ZNF407: variants seen among roughly 807,000 people sequenced by gnomAD.
The protein encoded by ZNF407 is zinc finger protein 407.
A neutral mutation model predicts 131.2 loss-of-function variants in ZNF407; 17 were observed. The ratio of observed to expected loss-of-function variants is 0.13; its 90% CI spans 0.09 to 0.19. The LOEUF is 0.19. Among genes scored for constraint, ZNF407 ranks in the 10% least tolerant of loss-of-function variants. The pLI, the probability that ZNF407 is intolerant of heterozygous loss-of-function variation, is 1.00. For missense variants in ZNF407, 2,681 were observed against 2,830.6 expected (o/e 0.95, Z 1.20); for synonymous variants, 1,156 against 1,062.0 (o/e 1.09, Z -1.72).
chr18:74,871,007 C>CT (rs1220717541), intron 4 of ZNF407, among the ~76,000 whole-genome samples: 1 of 152,174 alleles, frequency 6.6e-6, no homozygotes, highest in Non-Finnish European at 1.5e-5. Flanking sequence ...ACCCAAAATA[C>CT]TTTAAGTATC....
At chr18:74,770,669 A>T (rs1426542224) in intron 3 of ZNF407, among the ~76,000 whole-genome samples, 2 of 152,140 alleles carry the variant, frequency 1.3e-5, no homozygotes, top group Non-Finnish European at 2.9e-5. Context: ...CTTGAAATAA[A>T]GCAGTACAAC....
chr18:75,060,417 G>T (rs182905889), intron 8 of ZNF407: 1 of 152,198 alleles, frequency 6.6e-6, no homozygotes, highest in Non-Finnish European at 1.5e-5. Flanking sequence ...CGAGGTTTCC[G>T]TGGACGCAGA....
At chr18:74,975,611 G>T (rs1972519469) in intron 8 of ZNF407, among the ~76,000 whole-genome samples, 2 of 151,946 alleles carry the variant, frequency 1.3e-5, no homozygotes, top group African/African-American at 2.4e-5. Context: ...TCCATACTAG[G>T]TCTAGGGAAA....
chr18:75,059,944 C>A (rs1047029941), intron 8 of ZNF407, among the ~76,000 whole-genome samples: 1 of 152,170 alleles, frequency 6.6e-6, no homozygotes, highest in Non-Finnish European at 1.5e-5. Context: ...GTTTCTTCTG[C>A]AAATTGGGAG....
intron 1 of ZNF407, among the ~76,000 whole-genome samples, chr18:74,605,248 A>G (rs1010070724): frequency 6.6e-6 from 1 of 152,142 alleles, no homozygotes; most frequent in Non-Finnish European, 1.5e-5. Context: ...TCTCCAGTCC[A>G]TTTCCTAATC....
chr18:74,956,394 A>T (rs1183290180), intron 8 of ZNF407, among the ~76,000 whole-genome samples: 1 of 151,998 alleles, frequency 6.6e-6, no homozygotes, highest in African/African-American at 2.4e-5. Context: ...ATTCTGTTTT[A>T]TTGGTTTATA....
rs118074995 is a variant in ZNF407, at chr18:74,976,844, C to G, written c.5428+56152C>G. On this transcript the variant is annotated intron_variant, in intron 8 of 8. Coordinates refer to ENST00000299687, the MANE Select transcript of ZNF407 (RefSeq NM_017757.3). ...CATGTGGGTTTCCGATATGGAACAT[C>G]AGATTATTTAAAATTGGTGGATTAA... is the stretch of plus-strand genomic sequence containing the variant. 1.2e-4 allele frequency among the ~76,000 whole-genome samples: 18 copies of G among 152,308 alleles called. 1 individual carries two copies. In the East Asian group the frequency reaches 3.5e-3, roughly 29 times the overall value.
chr18:74,979,656 A>G (rs570862032), intron 8 of ZNF407, among the ~76,000 whole-genome samples: 1 of 152,340 alleles, frequency 6.6e-6, no homozygotes, highest in South Asian at 2.1e-4. Context: ...ACTCTAAGAT[A>G]GCAGTGGAAA....
intron 8 of ZNF407, among the ~76,000 whole-genome samples, chr18:74,955,259 C>T (rs1250896493): frequency 6.6e-6 from 1 of 152,024 alleles, no homozygotes; most frequent in Non-Finnish European, 1.5e-5. Flanking sequence ...CTCGGGGAGC[C>T]ACTGGGTCAG....
rs375822044 is a variant in ZNF407, at chr18:75,063,836, G to A, written c.6115G>A (p.Glu2039Lys). The part of the protein sequence containing the change: ...SHVAADPEAP[E>K]IQMFPQAQES... ...TGTGGCTGCCGACCCCGAGGCCCCC[G>A]AGATCCAGATGTTCCCACAGGCCCA... is the stretch of plus-strand genomic sequence containing the variant. The change falls in exon 9 of 9, where the codon GAG (glutamate) becomes AAG (lysine). Residue 2039 changes from glutamate to lysine, a missense_variant. Around this residue, in one of 6 missense-constraint regions of ZNF407, gnomAD observed 620 missense variants for 583.1 expected, o/e 1.06. Transcript: ENST00000299687. The surrounding 1 kb of genome is among the most constrained non-coding windows in gnomAD (Gnocchi z 6.6). The A allele has an allele frequency of 2.2e-5, 36 of 1,608,306 alleles. No homozygotes were observed. Among genetic ancestry groups the A allele is most frequent in the South Asian group, 5.5e-5 (5 of 91,022 alleles).
chr18:75,008,508 G>A (rs1005055610), intron 8 of ZNF407, among the ~76,000 whole-genome samples: 8 of 152,252 alleles, frequency 5.3e-5, no homozygotes, highest in South Asian at 4.1e-4. Flanking sequence ...AGTCATCCCC[G>A]GATAGTGGCG....
chr18:74,950,360 A>G (rs548964216), intron 8 of ZNF407, among the ~76,000 whole-genome samples: 32 of 152,352 alleles, frequency 2.1e-4, no homozygotes, highest in East Asian at 3.9e-4. Flanking sequence ...GGAAAAATCA[A>G]TGCAGTCTTA....
At position 74,672,741 on chromosome 18, in the gene ZNF407, A is replaced by G. The variant is rs111480906; in HGVS notation, c.4802+31619A>G. ...TTGGCTGTTGTGAATAATGCTGAAT[A>G]GCTTTCTTAAAGGAGAAAAAACTTT... is the stretch of plus-strand genomic sequence containing the variant. On this transcript the variant is annotated intron_variant, in intron 3 of 8. Coordinates refer to ENST00000299687, the MANE Select transcript of ZNF407 (RefSeq NM_017757.3). Among the ~76,000 whole-genome samples, 302 of 152,318 alleles carry G rather than the reference A, an allele frequency of 2.0e-3. 3 individuals are homozygous for G. The Middle Eastern group carries it at 0.044, about 22-fold the overall frequency.
At chr18:75,032,518 C>T (rs975576422) in intron 8 of ZNF407, among the ~76,000 whole-genome samples, 6 of 152,062 alleles carry the variant, frequency 3.9e-5, no homozygotes, top group East Asian at 3.9e-4. Flanking sequence ...TCTCTTCTCT[C>T]GACTCTAAGG....
chr18:74,747,522 C>T (rs1968697787), intron 3 of ZNF407, among the ~76,000 whole-genome samples: 1 of 151,718 alleles, frequency 6.6e-6, no homozygotes, highest in Non-Finnish European at 1.5e-5. Context: ...TTAAGTTTGG[C>T]ATGTTATTAA....
At chr18:74,826,273 C>G (rs1375969601) in intron 4 of ZNF407, among the ~76,000 whole-genome samples, 3 of 152,126 alleles carry the variant, frequency 2.0e-5, no homozygotes, top group Non-Finnish European at 2.9e-5. Flanking sequence ...TTTTAGAAAA[C>G]TGATAGGAGA....
chr18:74,608,417 G>A (rs556394092), intron 1 of ZNF407, among the ~76,000 whole-genome samples: 3 of 151,396 alleles, frequency 2.0e-5, no homozygotes, highest in Admixed American at 6.6e-5. Context: ...GGCTCATCTC[G>A]GCTCACTGCA....
chr18:75,045,047 G>A (rs1290862392), intron 8 of ZNF407, among the ~76,000 whole-genome samples: 1 of 130,494 alleles, frequency 7.7e-6, no homozygotes, highest in Non-Finnish European at 1.6e-5. Flanking sequence ...GCTTGATTGG[G>A]AAAAATCTGG....
rs2144669932 is a variant in ZNF407, at chr18:74,633,662, C to T, written c.2643C>T (p.Cys881=). 6.2e-7 allele frequency: 1 copy of T among 1,613,932 alleles called. No individual in the cohort carries two copies. The highest frequency in any genetic ancestry group is 8.5e-7 in the Non-Finnish European group (1 of 1,179,870). ...RKHSHQYSYL[C]KVCKYYTVTK... ...ACAGTCACCAGTATAGTTATTTATG[C>T]AAAGTGTGTAAGTATTACACTGTAA... Residue 881 remains cysteine, a synonymous_variant, in exon 2 of 9, where the codon TGC becomes TGT. Transcript: ENST00000299687.
Sources: allele counts gnomAD v4.1 joint callset (sites outside exome capture counted in the v4.1 genomes callset), GRCh38; gene constraint gnomAD v4.1.1; regional missense constraint gnomAD v4.1.1; non-coding constraint Gnocchi (gnomAD v3.1); transcripts MANE v1.5; gene names NCBI Gene and HGNC (gene_info 2026-07-23, HGNC 2026-07-21).